Variants in PDE4D observed in about 807,000 individuals in gnomAD.
The protein encoded by PDE4D is 3',5'-cyclic-AMP phosphodiesterase 4D.
A neutral mutation model predicts 87.4 loss-of-function variants in PDE4D; 24 were observed. That is an observed-to-expected ratio of 0.27 (90% CI 0.20 to 0.39). The LOEUF (loss-of-function observed/expected upper bound fraction) is 0.39, where lower values mean the gene tolerates loss of function less well. Among genes scored for constraint, PDE4D ranks in the 10% least tolerant of loss-of-function variants. The pLI, the probability that PDE4D is intolerant of heterozygous loss-of-function variation, is 1.00. For synonymous variants in PDE4D, 384 were observed against 383.2 expected (o/e 1.00, Z -0.02); for missense variants, 714 against 1,041.0 (o/e 0.69, Z 4.32).
chr5:59,275,750 T>C lies in PDE4D; in HGVS notation c.456-59782A>G, dbSNP rs1026405358. On this transcript the variant is annotated intron_variant, in intron 1 of 14. Transcript: ENST00000340635. ...CATAGTGAAAGAGTCACTTGATCTC[T>C]TTTTTGCAATTCCATAGTAACAGCT... 4.0e-6 allele frequency: 4 copies of C among 1,010,798 alleles called. No individual in the cohort carries two copies. In the East Asian group the frequency reaches 2.9e-4, roughly 73 times the overall value. The allele number at this position is 1,010,798 out of a possible 1,614,324, so 62.6% of individuals were successfully genotyped here.
At chr5:60,025,423 C>G (rs1350807869) in intron 2 of PDE4D, among the ~76,000 whole-genome samples, 2 of 152,134 alleles carry the variant, frequency 1.3e-5, no homozygotes, top group Non-Finnish European at 2.9e-5. Flanking sequence ...TATGCTAGAT[C>G]CTGGGGATTC....
At chr5:59,321,244 C>A (rs2153571419) in intron 1 of PDE4D, among the ~76,000 whole-genome samples, 2 of 152,202 alleles carry the variant, frequency 1.3e-5, no homozygotes, top group African/African-American at 4.8e-5. Flanking sequence ...TGGCCTATGT[C>A]TTTCCCTCGC....
chr5:59,241,411 A>G (rs1370223258), intron 1 of PDE4D, among the ~76,000 whole-genome samples: 1 of 152,214 alleles, frequency 6.6e-6, no homozygotes, highest in East Asian at 1.9e-4. Context: ...ACTGAAAAAG[A>G]AAACAGCTTC....
At chr5:59,635,522 A>T (rs931250888) in intron 1 of PDE4D, among the ~76,000 whole-genome samples, 1 of 152,236 alleles carries the variant, frequency 6.6e-6, no homozygotes, top group Admixed American at 6.5e-5. Context: ...CCAGCAACGC[A>T]TTAAAAAGCT....
At chr5:60,356,116 T>C (rs80044035) in intron 1 of PDE4D, among the ~76,000 whole-genome samples, 7,088 of 152,192 alleles carry the variant, frequency 0.047, 205 homozygotes, top group East Asian at 0.12. Context: ...AGGGGGTCCA[T>C]AATTAACTGG....
rs946044161 is a variant in PDE4D at position 58,969,812 on chromosome 5, A to G, written c.*4852T>C. 1.3e-5 allele frequency: 2 copies of G among 152,180 alleles called. 1 individual carries two copies. Among genetic ancestry groups the G allele is most frequent in the South Asian group, 4.1e-4 (2 of 4,826 alleles). The allele number at this position is 152,180 out of a possible 1,614,324, so 9.4% of individuals were successfully genotyped here. On this transcript the variant is annotated 3_prime_UTR_variant, in exon 15 of 15. Transcript: ENST00000340635. ...AATTTTCAATATCCCAGAATATTCA[A>G]TTAAGTAAGTATGGAAGGCCCCTTT...
intron 1 of PDE4D, among the ~76,000 whole-genome samples, chr5:59,579,969 T>C (rs1280679317): frequency 1.3e-5 from 2 of 152,208 alleles, no homozygotes; most frequent in African/African-American, 2.4e-5. Context: ...AGTCTAAGTA[T>C]AGGTCATTGT....
intron 5 of PDE4D, among the ~76,000 whole-genome samples, chr5:59,120,097 C>T (rs900048663): frequency 6.6e-6 from 1 of 152,152 alleles, no homozygotes; most frequent in Non-Finnish European, 1.5e-5. Flanking sequence ...CCTCCCGAAG[C>T]ACCAGGATTA....
At chr5:59,771,446 A>AG (rs1561636690) in intron 1 of PDE4D, among the ~76,000 whole-genome samples, 2 of 68,956 alleles carry the variant, frequency 2.9e-5, no homozygotes, top group African/African-American at 1.5e-4. Context: ...AGAAAGAAAG[A>AG]AAGAAAGAAA....
At position 59,764,651 on chromosome 5, in the gene PDE4D, CT is replaced by C. The variant is rs1177876033; in HGVS notation, c.455+128516del. ...TGTTTACTTAAGAAAAGAGAAGTCC[CT>C]TTTTTTTTTTTTTTTTTTTTGGTGA... On this transcript the variant is annotated intron_variant, in intron 1 of 14. Coordinates refer to ENST00000340635, the MANE Select transcript of PDE4D (RefSeq NM_001104631.2). Among the ~76,000 whole-genome samples the C allele has an allele frequency of 1.4e-3, 169 of 123,344 alleles. 1 individual carries two copies. Among genetic ancestry groups the C allele is most frequent in the South Asian group, 4.3e-3 (17 of 3,968 alleles). 80.9% of individuals were successfully genotyped at this position (123,344 alleles called of 152,430 possible).
intron 2 of PDE4D, among the ~76,000 whole-genome samples, chr5:59,210,586 C>T (rs1238631907): frequency 6.6e-5 from 10 of 152,226 alleles, no homozygotes; most frequent in African/African-American, 2.4e-4. Flanking sequence ...CTGTATAGTG[C>T]CTGGGGATAA....
chr5:60,056,115 A>G (rs1770750246), intron 2 of PDE4D, among the ~76,000 whole-genome samples: 1 of 152,082 alleles, frequency 6.6e-6, no homozygotes, highest in Non-Finnish European at 1.5e-5. Flanking sequence ...CTCATAAAAG[A>G]AAATACCAAT....
At chr5:59,501,570 G>A (rs980297844) in intron 1 of PDE4D, among the ~76,000 whole-genome samples, 1 of 152,180 alleles carries the variant, frequency 6.6e-6, no homozygotes, top group Non-Finnish European at 1.5e-5. Flanking sequence ...GCAGAAGAAA[G>A]AGGCAGCTGG....
intron 1 of PDE4D, among the ~76,000 whole-genome samples, chr5:60,303,819 C>A (rs1344502264): frequency 2.0e-5 from 3 of 152,098 alleles, no homozygotes; most frequent in African/African-American, 7.2e-5. Flanking sequence ...CTGCTTGATC[C>A]AGAGCTGAGT....
intron 5 of PDE4D, chr5:59,039,464 C>A: frequency 1.0e-6 from 1 of 991,102 alleles, no homozygotes; most frequent in East Asian, 1.1e-4. Context: ...GCCTTCTGCA[C>A]GGCACTTGAA....
At chr5:59,706,104 G>A (rs796967177) in intron 1 of PDE4D, among the ~76,000 whole-genome samples, 7 of 152,208 alleles carry the variant, frequency 4.6e-5, no homozygotes, top group African/African-American at 1.4e-4. Context: ...TGACAAAAAC[G>A]AAATTCTATA....
rs563205625 is a variant in PDE4D at position 59,133,777 on chromosome 5, C to G, written c.808+46818G>C. Among the ~76,000 whole-genome samples the G allele has an allele frequency of 3.3e-5, 5 of 152,272 alleles. No homozygotes were observed. The South Asian group carries it at 1.0e-3, about 32-fold the overall frequency. On this transcript the variant is annotated intron_variant, in intron 5 of 14. Transcript: ENST00000340635. ...GCGTGGGCAATGGCCTCTGACTTGA[C>G]AGGAACCATCCAGCTACACGTGAGA...
chr5:60,060,041 C>T (rs1192524046), intron 2 of PDE4D, among the ~76,000 whole-genome samples: 1 of 151,792 alleles, frequency 6.6e-6, no homozygotes, highest in African/African-American at 2.4e-5. Context: ...AAAGACAGTC[C>T]AAGATACACA....
At chr5:59,329,618 T>A (rs1776348172) in intron 1 of PDE4D, among the ~76,000 whole-genome samples, 1 of 152,220 alleles carries the variant, frequency 6.6e-6, no homozygotes, top group South Asian at 2.1e-4. Context: ...TCAAAATTTA[T>A]AAAACTGAGC....
Sources: gnomAD v4.1 joint callset for allele counts (sites outside exome capture counted in the v4.1 genomes callset) on GRCh38, gnomAD v4.1.1 for gene constraint, MANE v1.5 for transcripts, NCBI Gene and HGNC (gene_info 2026-07-23, HGNC 2026-07-21) for gene names.